Variants in GRM5 observed in about 807,000 individuals in gnomAD.
GRM5 encodes the protein metabotropic glutamate receptor 5.
A neutral mutation model predicts 83.1 loss-of-function variants in GRM5; 19 were observed. The ratio of observed to expected loss-of-function variants is 0.23; its 90% CI spans 0.16 to 0.34. The LOEUF is 0.34. GRM5 is among the 10% of genes least tolerant of loss of function. The probability of loss-of-function intolerance (pLI) is 1.00; values close to 1 mark genes in which losing one functional copy is unlikely to be tolerated. For missense variants in GRM5, 1,160 were observed against 1,588.3 expected (o/e 0.73, Z 4.58); for synonymous variants, 675 against 633.6 (o/e 1.07, Z -0.98).
At position 88,590,593 on chromosome 11, in the gene GRM5, T is replaced by G. The variant is rs575702592; in HGVS notation, c.1690+8A>C. On this transcript the variant is annotated splice_region_variant and intron_variant, in intron 7 of 9. Coordinates refer to ENST00000305447, the MANE Select transcript of GRM5 (RefSeq NM_001143831.3). ...TAATTTATATGTGGTGAGATTGTGATAGATTACCTGTGAGATCATCAGTGG... is the reference window on the plus strand; with the variant it reads ...TAATTTATATGTGGTGAGATTGTGAGAGATTACCTGTGAGATCATCAGTGG... 1.9e-6 allele frequency: 3 copies of G among 1,610,860 alleles called. No individual in the cohort carries two copies. Among genetic ancestry groups the G allele is most frequent in the Non-Finnish European group, 2.5e-6 (3 of 1,177,394 alleles).
chr11:88,877,904 T>C (rs1277727098), intron 2 of GRM5, among the ~76,000 whole-genome samples: 2 of 151,632 alleles, frequency 1.3e-5, no homozygotes, highest in Non-Finnish European at 2.9e-5. Context: ...TATCTAATGC[T>C]AGATGACGAG....
chr11:89,026,312 A>C (rs557967149), intron 2 of GRM5, among the ~76,000 whole-genome samples: 30 of 152,192 alleles, frequency 2.0e-4, no homozygotes, highest in Non-Finnish European at 3.8e-4. Flanking sequence ...CTGAACCTAA[A>C]GTAAAACTTA....
intron 3 of GRM5, among the ~76,000 whole-genome samples, chr11:88,679,517 AATCT>A (rs1256086400): frequency 1.3e-5 from 2 of 152,168 alleles, no homozygotes; most frequent in African/African-American, 4.8e-5. Flanking sequence ...ATGTATATTC[AATCT>A]ATCTATCCCT....
intron 2 of GRM5, among the ~76,000 whole-genome samples, chr11:88,857,506 G>T (rs1454760642): frequency 6.6e-6 from 1 of 152,090 alleles, no homozygotes; most frequent in African/African-American, 2.4e-5. Flanking sequence ...CAGGGTTGTG[G>T]CTTAAACTAG....
chr11:88,862,195 GTTTGA>G (rs1368499051), intron 2 of GRM5, among the ~76,000 whole-genome samples: 1 of 152,062 alleles, frequency 6.6e-6, no homozygotes, highest in East Asian at 1.9e-4. Context: ...AAATCTATTT[GTTTGA>G]TTTATCACTT....
At chr11:88,628,997 A>G (rs1435232133) in intron 4 of GRM5, among the ~76,000 whole-genome samples, 1 of 152,170 alleles carries the variant, frequency 6.6e-6, no homozygotes, top group African/African-American at 2.4e-5. Context: ...CTCATATTCT[A>G]TCAACTAATT....
At chr11:88,711,352 A>G (rs111653962) in intron 3 of GRM5, among the ~76,000 whole-genome samples, 132 of 152,254 alleles carry the variant, frequency 8.7e-4, no homozygotes, top group African/African-American at 2.3e-3. Flanking sequence ...TACTGATGCC[A>G]TGATCCACTT....
chr11:88,605,590 A>G (rs1938118846), intron 4 of GRM5, among the ~76,000 whole-genome samples: 1 of 152,204 alleles, frequency 6.6e-6, no homozygotes, highest in African/African-American at 2.4e-5. Context: ...TTTATCATCT[A>G]GAGAAAAAAA....
intron 4 of GRM5, among the ~76,000 whole-genome samples, chr11:88,617,982 A>T (rs1303405889): frequency 1.3e-5 from 2 of 152,146 alleles, no homozygotes. Context: ...GTTTCCCCCT[A>T]AGTTGTACAG....
intron 1 of GRM5, among the ~76,000 whole-genome samples, chr11:89,048,899 C>G (rs1395330040): frequency 1.3e-5 from 2 of 152,082 alleles, no homozygotes; most frequent in African/African-American, 4.8e-5. Context: ...ATTTGCTCAC[C>G]TGAAAAATGG....
chr11:88,626,522 GTGT>G (rs1938802196), intron 4 of GRM5, among the ~76,000 whole-genome samples: 1 of 152,182 alleles, frequency 6.6e-6, no homozygotes, highest in African/African-American at 2.4e-5. Flanking sequence ...GTGTTCGGAA[GTGT>G]TGTGATTCTT....
chr11:88,798,716 A>T (rs1473119923), intron 3 of GRM5, among the ~76,000 whole-genome samples: 2 of 150,018 alleles, frequency 1.3e-5, no homozygotes, highest in Non-Finnish European at 3.0e-5. Context: ...TGTGGATAGG[A>T]GCATTTGAGA....
At chr11:88,733,313 T>G (rs183953884) in intron 3 of GRM5, among the ~76,000 whole-genome samples, 300 of 152,122 alleles carry the variant, frequency 2.0e-3, no homozygotes, top group African/African-American at 6.8e-3. Context: ...TATATCATCC[T>G]CTAATCTGTT....
chr11:88,783,539 A>T (rs1943012927), intron 3 of GRM5, among the ~76,000 whole-genome samples: 1 of 152,144 alleles, frequency 6.6e-6, no homozygotes, highest in Non-Finnish European at 1.5e-5. Context: ...CAAATGTCAT[A>T]GTTTGAGCAG....
In GRM5 at chr11:88,910,000, G is replaced by A. The variant is rs1400495218; in HGVS notation, c.662-59845C>T. Among the ~76,000 whole-genome samples the A allele has an allele frequency of 2.0e-5, 3 of 152,008 alleles. No individual in the cohort carries two copies. In the East Asian group the frequency reaches 5.8e-4, roughly 29 times the overall value. ...GCATCATACATATTCACAGTGCTAA[G>A]TAACTATCAGCACTATTTCCAAAAT... On this transcript the variant is annotated intron_variant, in intron 2 of 9. Coordinates refer to ENST00000305447, the MANE Select transcript of GRM5 (RefSeq NM_001143831.3).
intron 7 of GRM5, among the ~76,000 whole-genome samples, chr11:88,588,301 T>C (rs1178742831): frequency 6.6e-6 from 1 of 152,170 alleles, no homozygotes; most frequent in Non-Finnish European, 1.5e-5. Flanking sequence ...TAAAAATTTT[T>C]GTTGTTAAAA....
At chr11:88,954,770 T>C (rs1938558805) in intron 2 of GRM5, among the ~76,000 whole-genome samples, 1 of 152,186 alleles carries the variant, frequency 6.6e-6, no homozygotes, top group Non-Finnish European at 1.5e-5. Flanking sequence ...CTGGCTGATT[T>C]TGTTACCATT....
chr11:88,887,759 G>A (rs1945070060), intron 2 of GRM5, among the ~76,000 whole-genome samples: 1 of 152,116 alleles, frequency 6.6e-6, no homozygotes. Flanking sequence ...CCCCTGGAGT[G>A]CATTCTGAAG....
chr11:88,570,311 G>T (rs1942960385), intron 7 of GRM5, among the ~76,000 whole-genome samples: 1 of 151,658 alleles, frequency 6.6e-6, no homozygotes, highest in Non-Finnish European at 1.5e-5. Flanking sequence ...ATTGTGGATA[G>T]CTCAGACTAA....
Sources: gnomAD v4.1 joint callset for allele counts (sites outside exome capture counted in the v4.1 genomes callset) on GRCh38, gnomAD v4.1.1 for gene constraint, MANE v1.5 for transcripts, NCBI Gene and HGNC (gene_info 2026-07-23, HGNC 2026-07-21) for gene names.